The following HTR7 variants were observed in gnomAD, a reference collection of about 807,000 sequenced individuals.
The protein encoded by HTR7 is 5-HT-7.
Under a neutral mutation model 34.0 loss-of-function variants are expected in HTR7, and 16 were observed. The ratio of observed to expected loss-of-function variants is 0.47; its 90% CI spans 0.32 to 0.71. The LOEUF is 0.71. HTR7 is among the 30% of genes least tolerant of loss of function. The pLI is 0.04. For missense variants in HTR7, 504 were observed against 625.5 expected, an observed-to-expected ratio of 0.81 and a Z score of 2.07; for synonymous variants, 265 against 260.2, an observed-to-expected ratio of 1.02 and a Z score of -0.18.
At chr10:90,841,001 T>C (rs1452575802) in intron 1 of HTR7, among the ~76,000 whole-genome samples, 1 of 152,152 alleles carries the variant, frequency 6.6e-6, no homozygotes, top group Non-Finnish European at 1.5e-5. Context: ...GCTTTAAGCC[T>C]CAAATCTAGG....
chr10:90,827,709 A>T (rs1205147769), intron 1 of HTR7, among the ~76,000 whole-genome samples: 1 of 152,228 alleles, frequency 6.6e-6, no homozygotes, highest in Non-Finnish European at 1.5e-5. Context: ...TCTACCCAAC[A>T]CCGGAGTACC....
intron 1 of HTR7, among the ~76,000 whole-genome samples, chr10:90,810,396 A>AC (rs923617055): frequency 1.3e-5 from 2 of 151,634 alleles, no homozygotes; most frequent in Admixed American, 1.3e-4. Context: ...AATCACCCTT[A>AC]CCCCACTCAA....
At chr10:90,793,695 C>A (rs1425055167) in intron 1 of HTR7, among the ~76,000 whole-genome samples, 1 of 152,012 alleles carries the variant, frequency 6.6e-6, no homozygotes, top group Non-Finnish European at 1.5e-5. Flanking sequence ...CACACGATCA[C>A]AAGGCGAAAT....
intron 1 of HTR7, among the ~76,000 whole-genome samples, chr10:90,755,891 A>G (rs536455355): frequency 6.6e-6 from 1 of 152,244 alleles, no homozygotes; most frequent in Non-Finnish European, 1.5e-5. Flanking sequence ...TAACCAAAAT[A>G]CACATACAAA....
intron 1 of HTR7, among the ~76,000 whole-genome samples, chr10:90,751,827 T>C (rs1420801871): frequency 6.6e-6 from 1 of 152,216 alleles, no homozygotes; most frequent in Non-Finnish European, 1.5e-5. Context: ...ACTAGAACTA[T>C]GCCTTCCCAC....
intron 1 of HTR7, among the ~76,000 whole-genome samples, chr10:90,757,922 T>C (rs1379345466): frequency 6.6e-6 from 1 of 152,108 alleles, no homozygotes; most frequent in Non-Finnish European, 1.5e-5. Flanking sequence ...ATCACTGAAG[T>C]AGAGGCTCAA....
chr10:90,847,241 G>A (rs1045938494), intron 1 of HTR7, among the ~76,000 whole-genome samples: 1 of 152,052 alleles, frequency 6.6e-6, no homozygotes, highest in African/African-American at 2.4e-5. Context: ...GGGGATCAGT[G>A]GAGATTTCTG....
intron 1 of HTR7, among the ~76,000 whole-genome samples, chr10:90,831,218 G>A (rs968350972): frequency 2.6e-5 from 4 of 152,324 alleles, no homozygotes; most frequent in South Asian, 2.1e-4. Context: ...GAATGAAGCC[G>A]CAGACCCTCG....
At chr10:90,848,188 G>A (rs947506077) in intron 1 of HTR7, among the ~76,000 whole-genome samples, 4 of 148,270 alleles carry the variant, frequency 2.7e-5, no homozygotes, top group African/African-American at 7.5e-5. Context: ...CCTGCCTCCC[G>A]AGTAACTGGG....
chr10:90,826,148 C>A (rs1846069960), intron 1 of HTR7, among the ~76,000 whole-genome samples: 1 of 152,088 alleles, frequency 6.6e-6, no homozygotes, highest in Non-Finnish European at 1.5e-5. Flanking sequence ...ATATGTCTGG[C>A]AGCAGACTTT....
chr10:90,813,287 C>G (rs570518538), intron 1 of HTR7, among the ~76,000 whole-genome samples: 9 of 152,152 alleles, frequency 5.9e-5, no homozygotes, highest in African/African-American at 1.9e-4. Flanking sequence ...TTTGGGAGGC[C>G]GAGGCGGGCC....
At chr10:90,832,710 G>A (rs1023595419) in intron 1 of HTR7, among the ~76,000 whole-genome samples, 1 of 152,184 alleles carries the variant, frequency 6.6e-6, no homozygotes, top group Non-Finnish European at 1.5e-5. Context: ...AGCGAGGGCT[G>A]TGAGAGCTGC....
At chr10:90,818,476 G>A (rs772198973) in intron 1 of HTR7, among the ~76,000 whole-genome samples, 1 of 141,962 alleles carries the variant, frequency 7.0e-6, no homozygotes, top group South Asian at 2.2e-4. Flanking sequence ...AACCCAGGAG[G>A]TGGAGGTTGC....
intron 1 of HTR7, among the ~76,000 whole-genome samples, chr10:90,797,169 G>GT (rs527753326): frequency 9.9e-4 from 151 of 152,130 alleles, no homozygotes; most frequent in African/African-American, 3.5e-3. Context: ...AAATTTCTAG[G>GT]TTTTTTTCAT....
chr10:90,828,012 T>A (rs943443081), intron 1 of HTR7, among the ~76,000 whole-genome samples: 8 of 152,186 alleles, frequency 5.3e-5, no homozygotes, highest in African/African-American at 1.9e-4. Flanking sequence ...AGAATAAGTA[T>A]CTTCTCTGAC....
At chr10:90,815,224 T>TGGGA (rs1322463506) in intron 1 of HTR7, among the ~76,000 whole-genome samples, 2 of 152,088 alleles carry the variant, frequency 1.3e-5, no homozygotes, top group African/African-American at 4.8e-5. Flanking sequence ...CATGAGTAGC[T>TGGGA]GGGAGTACAG....
Position 90,749,639 on chromosome 10 carries a change from A to G in HTR7, c.540-45T>C. 6.5e-7 allele frequency: 1 copy of G among 1,548,494 alleles called. No individual in the cohort carries two copies. Among genetic ancestry groups the G allele is most frequent in the Non-Finnish European group, 8.7e-7 (1 of 1,144,374 alleles). ...ATAACAGATGAACACCGTGATCATA[A>G]CTGGTCAACCAAGCAAGTCCTGCCA... is the stretch of plus-strand genomic sequence containing the variant. On this transcript the variant is annotated intron_variant, in intron 1 of 3. Coordinates refer to ENST00000336152, the MANE Select transcript of HTR7 (RefSeq NM_019859.4). The surrounding 1 kb of genome is among the most constrained non-coding windows in gnomAD (Gnocchi z 4.2).
chr10:90,787,373 A>G lies in HTR7; in HGVS notation c.540-37779T>C, dbSNP rs367781421. ...TGTGGTGGCACGCACCTGTACTCCC[A>G]GCTACTCGGGAGACAGAGACAGGAG... On this transcript the variant is annotated intron_variant, in intron 1 of 3. Transcript: ENST00000336152. Among the ~76,000 whole-genome samples, 24 of 152,240 alleles carry G rather than the reference A, an allele frequency of 1.6e-4. 1 individual carries two copies. The East Asian group carries it at 4.4e-3, about 28-fold the overall frequency.
intron 1 of HTR7, among the ~76,000 whole-genome samples, chr10:90,758,209 G>T: frequency 6.6e-6 from 1 of 152,028 alleles, no homozygotes; most frequent in South Asian, 2.1e-4. Context: ...GCTGGGCGTG[G>T]TGGCGCTGGC....
Sources: allele counts gnomAD v4.1 joint callset (sites outside exome capture counted in the v4.1 genomes callset), GRCh38; gene constraint gnomAD v4.1.1; non-coding constraint Gnocchi (gnomAD v3.1); transcripts MANE v1.5; gene names NCBI Gene and HGNC (gene_info 2026-07-23, HGNC 2026-07-21).